UBE2K: variants seen among roughly 807,000 people sequenced by gnomAD.
UBE2K encodes the protein ubiquitin conjugating enzyme E2 K, also known as ubiquitin-conjugating enzyme E2 K.
Under a neutral mutation model 30.0 loss-of-function variants are expected in UBE2K, and 6 were observed. That is an observed-to-expected ratio of 0.20 (90% CI 0.11 to 0.39). The LOEUF is 0.39. UBE2K is among the 10% of genes least tolerant of loss of function. UBE2K has a pLI of 1.00. For missense variants in UBE2K, 61 were observed against 241.6 expected (o/e 0.25, Z 4.96); for synonymous variants, 86 against 83.7 (o/e 1.03, Z -0.15).
At chr4:39,769,317 T>C (rs1375773792) in intron 4 of UBE2K, among the ~76,000 whole-genome samples, 2 of 151,984 alleles carry the variant, frequency 1.3e-5, no homozygotes, top group African/African-American at 4.8e-5. Context: ...AAAATGTTTT[T>C]TCTTAAAAAA....
chr4:39,716,489 T>TCAATGCG (rs1179512686), intron 1 of UBE2K, among the ~76,000 whole-genome samples: 1 of 152,142 alleles, frequency 6.6e-6, no homozygotes, highest in Non-Finnish European at 1.5e-5. Flanking sequence ...GCTCAAGTGA[T>TCAATGCG]CCATGCGCCT....
At chr4:39,765,560 G>A (rs1712263549) in intron 4 of UBE2K, among the ~76,000 whole-genome samples, 1 of 149,788 alleles carries the variant, frequency 6.7e-6, no homozygotes, top group Admixed American at 6.6e-5. Flanking sequence ...TGGCTCACGC[G>A]TATAATCCCA....
At chr4:39,712,408 G>A (rs1488727098) in intron 1 of UBE2K, among the ~76,000 whole-genome samples, 61 of 120,980 alleles carry the variant, frequency 5.0e-4, no homozygotes, top group African/African-American at 1.9e-3. Context: ...GTAGAGACAG[G>A]GTTTCTCCGT....
chr4:39,754,044 G>C (rs2109372673), intron 3 of UBE2K, among the ~76,000 whole-genome samples: 1 of 152,318 alleles, frequency 6.6e-6, no homozygotes, highest in East Asian at 1.9e-4. Context: ...AAAAGAGAGA[G>C]AGAGTGGGCC....
At chr4:39,743,880 T>TG (rs1720843413) in intron 2 of UBE2K, among the ~76,000 whole-genome samples, 1 of 152,158 alleles carries the variant, frequency 6.6e-6, no homozygotes, top group Non-Finnish European at 1.5e-5. Context: ...TCTGTTTATT[T>TG]GAGATAGATT....
chr4:39,736,757 C>G (rs1165838496), intron 1 of UBE2K, among the ~76,000 whole-genome samples: 1 of 152,176 alleles, frequency 6.6e-6, no homozygotes, highest in African/African-American at 2.4e-5. Flanking sequence ...AAGTAGAAAT[C>G]TGGTTTTTTG....
chr4:39,760,639 T>A (rs915477904), intron 4 of UBE2K, among the ~76,000 whole-genome samples: 1 of 152,226 alleles, frequency 6.6e-6, no homozygotes, highest in Admixed American at 6.5e-5. Flanking sequence ...GGCTCACGCC[T>A]GTAATCCCAG....
At chr4:39,717,396 A>G (rs1302888374) in intron 1 of UBE2K, among the ~76,000 whole-genome samples, 1 of 151,794 alleles carries the variant, frequency 6.6e-6, no homozygotes, top group Non-Finnish European at 1.5e-5. Context: ...ACACCCGGCT[A>G]ATTTTTGTGT....
chr4:39,703,497 C>T (rs939695144), intron 1 of UBE2K, among the ~76,000 whole-genome samples: 3 of 151,914 alleles, frequency 2.0e-5, no homozygotes, highest in Non-Finnish European at 4.4e-5. Context: ...TGGGCATCAG[C>T]GAGACCCTGT....
At chr4:39,722,570 C>T (rs1406520996) in intron 1 of UBE2K, among the ~76,000 whole-genome samples, 1 of 152,142 alleles carries the variant, frequency 6.6e-6, no homozygotes, top group Non-Finnish European at 1.5e-5. Flanking sequence ...CACTCACACA[C>T]ACCCCCACTC....
rs578107186 is a variant in UBE2K at position 39,765,773 on chromosome 4, C to T, written c.300-9061C>T. 2.6e-5 allele frequency among the ~76,000 whole-genome samples: 4 copies of T among 151,782 alleles called. No individual in the cohort carries two copies. The East Asian group carries it at 5.9e-4, about 22-fold the overall frequency. On this transcript the variant is annotated intron_variant, in intron 4 of 6. Transcript: ENST00000261427. Reference sequence around the variant, plus strand: ...GCAGTGAGCCAAGATTGTGCCACTGCACTCCAGCCTGGGCAACAGAGGGAG... The same window carrying T: ...GCAGTGAGCCAAGATTGTGCCACTGTACTCCAGCCTGGGCAACAGAGGGAG...
chr4:39,718,888 C>T (rs1719262261), intron 1 of UBE2K, among the ~76,000 whole-genome samples: 2 of 152,382 alleles, frequency 1.3e-5, no homozygotes, highest in African/African-American at 4.8e-5. Flanking sequence ...CCTCTCCCTT[C>T]ACACCTCCCT....
chr4:39,728,927 A>C (rs1348976073), intron 1 of UBE2K, among the ~76,000 whole-genome samples: 1 of 145,168 alleles, frequency 6.9e-6, no homozygotes, highest in Non-Finnish European at 1.5e-5. Flanking sequence ...TCGGCCTCCC[A>C]AAGTGCTGGG....
chr4:39,730,149 A>G (rs1400323675), intron 1 of UBE2K, among the ~76,000 whole-genome samples: 3 of 152,136 alleles, frequency 2.0e-5, no homozygotes, highest in Non-Finnish European at 4.4e-5. Context: ...ATTACTCTTC[A>G]TTGTAGATTG....
At chr4:39,717,142 G>A (rs1170732243) in intron 1 of UBE2K, among the ~76,000 whole-genome samples, 1 of 151,998 alleles carries the variant, frequency 6.6e-6, no homozygotes, top group Non-Finnish European at 1.5e-5. Flanking sequence ...ACTTCACAGA[G>A]CCAAGACCCT....
intron 1 of UBE2K, among the ~76,000 whole-genome samples, chr4:39,711,980 G>T (rs1718715528): frequency 6.6e-6 from 1 of 151,456 alleles, no homozygotes; most frequent in South Asian, 2.1e-4. Context: ...GGCAGAGGTT[G>T]CATTAAGCCG....
At chr4:39,714,529 TATATATA>T (rs1718904659) in intron 1 of UBE2K, 1 of 29,938 alleles carries the variant, frequency 3.3e-5, no homozygotes, top group East Asian at 1.5e-3. Flanking sequence ...TATATATATA[TATATATA>T]TATATATATA....
At chr4:39,712,735 T>TA (rs1718780568) in intron 1 of UBE2K, among the ~76,000 whole-genome samples, 1 of 150,840 alleles carries the variant, frequency 6.6e-6, no homozygotes, top group Admixed American at 6.6e-5. Flanking sequence ...TTTTAAGACT[T>TA]ATGTTTTTGT....
chr4:39,721,611 C>T (rs952609189), intron 1 of UBE2K, among the ~76,000 whole-genome samples: 2 of 152,094 alleles, frequency 1.3e-5, no homozygotes, highest in African/African-American at 4.8e-5. Context: ...CCTGCCTCGG[C>T]CTCCCACAGT....
Sources: gnomAD v4.1 joint callset for allele counts (sites outside exome capture counted in the v4.1 genomes callset) on GRCh38, gnomAD v4.1.1 for gene constraint, MANE v1.5 for transcripts, NCBI Gene and HGNC (gene_info 2026-07-23, HGNC 2026-07-21) for gene names.